Variants in SYNRG observed in about 807,000 individuals in gnomAD.
The protein encoded by SYNRG is synergin gamma, also known as AP1 gamma subunit binding protein 1.
Under a neutral mutation model 130.9 loss-of-function variants are expected in SYNRG, and 37 were observed. The observed-to-expected ratio is 0.28, with a 90% CI of 0.22 to 0.37. The LOEUF (loss-of-function observed/expected upper bound fraction) is 0.37. SYNRG is among the 10% of genes least tolerant of loss of function. The pLI is 1.00. For synonymous variants in SYNRG, 539 were observed against 568.1 expected (o/e 0.95, Z 0.73); for missense variants, 1,338 against 1,588.9 (o/e 0.84, Z 2.68).
chr17:37,521,728 G>A (rs183230612), intron 19 of SYNRG, among the ~76,000 whole-genome samples: 2 of 152,330 alleles, frequency 1.3e-5, no homozygotes, highest in African/African-American at 4.8e-5. Context: ...GACAGATACC[G>A]ATGGTCAGAA....
chr17:37,530,908 G>A (rs528413177), intron 19 of SYNRG, among the ~76,000 whole-genome samples: 97 of 152,302 alleles, frequency 6.4e-4, no homozygotes, highest in African/African-American at 2.3e-3. Context: ...AAAGGATGAC[G>A]GCAGGGTAAA....
At chr17:37,590,370 A>G (rs1218826815) in intron 3 of SYNRG, among the ~76,000 whole-genome samples, 2 of 152,198 alleles carry the variant, frequency 1.3e-5, no homozygotes, top group Non-Finnish European at 2.9e-5. Context: ...ACATGTAACT[A>G]CAAAGGATTA....
chr17:37,564,291 G>A (rs543652329), intron 11 of SYNRG, among the ~76,000 whole-genome samples: 2 of 152,272 alleles, frequency 1.3e-5, no homozygotes, highest in African/African-American at 4.8e-5. Context: ...CAGGTCTTAT[G>A]TGCAGGCTCA....
intron 13 of SYNRG, 125 bp from the exon 14 acceptor site, chr17:37,554,184 T>C: frequency 1.2e-6 from 1 of 808,278 alleles, no homozygotes. Flanking sequence ...TACTTAATAA[T>C]GTTTACATAC....
At chr17:37,554,154 T>C in intron 13 of SYNRG, 95 bp from the exon 14 acceptor site, 1 of 1,118,090 alleles carries the variant, frequency 8.9e-7, no homozygotes, top group Non-Finnish European at 1.3e-6. Context: ...TTTACTGACT[T>C]TTCTCCACTG....
chr17:37,557,849 G>GA (rs374587323), intron 13 of SYNRG, among the ~76,000 whole-genome samples: 123 of 143,952 alleles, frequency 8.5e-4, no homozygotes, highest in South Asian at 4.4e-3. Flanking sequence ...CTGTCTCTCA[G>GA]AAAAAAAAAA....
intron 15 of SYNRG, 182 bp downstream of exon 15, chr17:37,541,790 G>C (rs1476869312): frequency 1.6e-6 from 1 of 644,784 alleles, no homozygotes; most frequent in Non-Finnish European, 2.6e-6. Context: ...TCTGAGGGAT[G>C]CTGATTTTGA....
chr17:37,581,764 T>TC (rs1319435088), intron 6 of SYNRG, among the ~76,000 whole-genome samples: 1 of 149,878 alleles, frequency 6.7e-6, no homozygotes, highest in Non-Finnish European at 1.5e-5. Flanking sequence ...ACATTTTTTT[T>TC]CTTTTTTTTT....
chr17:37,542,079 G>A lies in SYNRG; in HGVS notation c.3095C>T (p.Pro1032Leu). 1.2e-6 allele frequency: 2 copies of A among 1,614,096 alleles called. No homozygotes were observed. Among genetic ancestry groups the A allele is most frequent in the Non-Finnish European group, 8.5e-7 (1 of 1,180,008 alleles). The part of the protein sequence containing the change: ...DDFGEFQSEK[P>L]KISKFDFLVA... ...TAAGAAGTCAAATTTGCTGATTTTGGGCTTTTCACTTTGAAACTCTCCAAA... is the reference window on the plus strand; with the variant it reads ...TAAGAAGTCAAATTTGCTGATTTTGAGCTTTTCACTTTGAAACTCTCCAAA... The change falls in exon 15 of 22, where the codon CCC becomes CTC. Residue 1032 changes from proline (P) to leucine (L), a missense_variant. By Grantham distance (98) the Pro-to-Leu change is moderately conservative. Around this residue, in one of 3 missense-constraint regions of SYNRG, gnomAD observed 1,146 missense variants for 1,342.3 expected, o/e 0.85. Transcript: ENST00000612223.
At chr17:37,534,155 G>A (rs1361530615) in intron 19 of SYNRG, among the ~76,000 whole-genome samples, 2 of 150,454 alleles carry the variant, frequency 1.3e-5, no homozygotes, top group African/African-American at 2.4e-5. Context: ...TTTTGGCCAG[G>A]CTGGTCTCGA....
At chr17:37,591,750 G>C (rs1242688841) in intron 3 of SYNRG, among the ~76,000 whole-genome samples, 4 of 152,102 alleles carry the variant, frequency 2.6e-5, no homozygotes, top group African/African-American at 7.2e-5. Flanking sequence ...CACTTGCATA[G>C]GTAAAAAGAG....
At chr17:37,582,745 C>T (rs1218609464) in intron 6 of SYNRG, among the ~76,000 whole-genome samples, 1 of 151,852 alleles carries the variant, frequency 6.6e-6, no homozygotes, top group African/African-American at 2.4e-5. Flanking sequence ...TCTGTAGTCC[C>T]GGTTACTCAC....
intron 19 of SYNRG, among the ~76,000 whole-genome samples, chr17:37,532,414 A>C (rs538192226): frequency 6.6e-6 from 1 of 152,168 alleles, no homozygotes; most frequent in African/African-American, 2.4e-5. Flanking sequence ...TCATACCTGT[A>C]ATGCCTCTAG....
chr17:37,602,272 G>C (rs1314961157), intron 1 of SYNRG, among the ~76,000 whole-genome samples: 1 of 151,962 alleles, frequency 6.6e-6, no homozygotes, highest in Non-Finnish European at 1.5e-5. Context: ...AGGAGGCGGA[G>C]GTTGCAGTGA....
At chr17:37,558,866 T>C (rs979814873) in intron 13 of SYNRG, among the ~76,000 whole-genome samples, 2 of 152,212 alleles carry the variant, frequency 1.3e-5, no homozygotes, top group Non-Finnish European at 2.9e-5. Context: ...GAACTGCTAC[T>C]TGCCATTCCC....
chr17:37,520,384 C>G (rs371386948), intron 20 of SYNRG, among the ~76,000 whole-genome samples, 154 bp downstream of exon 20: 1 of 152,140 alleles, frequency 6.6e-6, no homozygotes, highest in African/African-American at 2.4e-5. Flanking sequence ...GCTGCCCTCT[C>G]GAGGGAATGT....
At chr17:37,586,671 G>T in intron 3 of SYNRG, 122 bp from the exon 4 acceptor site, 1 of 1,112,730 alleles carries the variant, frequency 9.0e-7, no homozygotes, top group Non-Finnish European at 1.3e-6. Context: ...AAATATATTG[G>T]ATTAAAAGAT....
chr17:37,535,628 G>C (rs1309240525), intron 19 of SYNRG, among the ~76,000 whole-genome samples: 1 of 152,230 alleles, frequency 6.6e-6, no homozygotes, highest in African/African-American at 2.4e-5. Context: ...GTATCATATA[G>C]CTTTTTGAAA....
chr17:37,582,451 T>G (rs2061406475), intron 6 of SYNRG, among the ~76,000 whole-genome samples: 2 of 152,228 alleles, frequency 1.3e-5, no homozygotes, highest in African/African-American at 4.8e-5. Context: ...GGATATACTG[T>G]AAAGACCAAA....
Sources: allele counts gnomAD v4.1 joint callset (sites outside exome capture counted in the v4.1 genomes callset), GRCh38; gene constraint gnomAD v4.1.1; regional missense constraint gnomAD v4.1.1; transcripts MANE v1.5; gene names NCBI Gene and HGNC (gene_info 2026-07-23, HGNC 2026-07-21).